The following GIGYF2 variants were observed in gnomAD, a reference collection of about 807,000 sequenced individuals.
GIGYF2 encodes the protein GRB10 interacting GYF protein 2.
GIGYF2 carries 25 observed loss-of-function variants against 208.1 expected under a neutral mutation model. The ratio of observed to expected loss-of-function variants is 0.12; its 90% CI spans 0.09 to 0.17. The LOEUF (loss-of-function observed/expected upper bound fraction) is 0.17, where lower values mean the gene tolerates loss of function less well. Ranked by LOEUF, GIGYF2 falls within the 10% of genes least tolerant of loss-of-function variation. The probability of loss-of-function intolerance (pLI) is 1.00; values close to 1 mark genes in which losing one functional copy is unlikely to be tolerated. For missense variants in GIGYF2, 1,302 were observed against 1,579.4 expected (o/e 0.82, Z 2.98); for synonymous variants, 534 against 543.8 (o/e 0.98, Z 0.25).
At chr2:232,784,193 T>C (rs1021788654) in intron 8 of GIGYF2, among the ~76,000 whole-genome samples, 1 of 152,106 alleles carries the variant, frequency 6.6e-6, no homozygotes, top group African/African-American at 2.4e-5. Context: ...GAATAAATTA[T>C]ACAGAAGTGC....
intron 6 of GIGYF2, among the ~76,000 whole-genome samples, chr2:232,757,497 G>A (rs1053649299): frequency 2.0e-5 from 3 of 152,114 alleles, no homozygotes; most frequent in African/African-American, 7.2e-5. Context: ...TTCATACACC[G>A]AGTTAGGTTC....
At chr2:232,819,147 A>T (rs774670434) in intron 20 of GIGYF2, among the ~76,000 whole-genome samples, 1 of 152,106 alleles carries the variant, frequency 6.6e-6, no homozygotes, top group Non-Finnish European at 1.5e-5. Flanking sequence ...GTGCTCTTTG[A>T]AAAACAAAAA....
intron 25 of GIGYF2, 120 bp from the exon 26 acceptor site, chr2:232,845,612 G>A: frequency 3.4e-6 from 3 of 886,372 alleles, no homozygotes; most frequent in Non-Finnish European, 5.6e-6. Flanking sequence ...TTGGAGCCAA[G>A]CATTGGATTA....
At chr2:232,846,208 G>A (rs1701998369) in intron 26 of GIGYF2, among the ~76,000 whole-genome samples, 1 of 152,146 alleles carries the variant, frequency 6.6e-6, no homozygotes, top group Non-Finnish European at 1.5e-5. Context: ...GTTAAAAAAA[G>A]TAACTCTCAT....
intron 22 of GIGYF2, among the ~76,000 whole-genome samples, chr2:232,837,191 A>C (rs1321433538): frequency 6.6e-6 from 1 of 152,194 alleles, no homozygotes; most frequent in Non-Finnish European, 1.5e-5. Context: ...CATTTGTCAC[A>C]GGTGACTGCC....
intron 2 of GIGYF2, among the ~76,000 whole-genome samples, chr2:232,709,466 C>T (rs988696902): frequency 2.6e-5 from 4 of 152,248 alleles, no homozygotes; most frequent in Admixed American, 1.3e-4. Flanking sequence ...TGGGGCTATA[C>T]GCGCGGCCCA....
intron 21 of GIGYF2, among the ~76,000 whole-genome samples, chr2:232,825,007 G>GTGGT (rs1449724295): frequency 6.6e-6 from 1 of 152,226 alleles, no homozygotes; most frequent in Non-Finnish European, 1.5e-5. Context: ...TGTTTACAGT[G>GTGGT]TGGTATATTG....
intron 2 of GIGYF2, among the ~76,000 whole-genome samples, chr2:232,725,846 T>G (rs1407265061): frequency 1.3e-5 from 2 of 152,186 alleles, no homozygotes; most frequent in Non-Finnish European, 2.9e-5. Context: ...TAGATTGTTA[T>G]GTTGGATCAA....
At chr2:232,757,017 TA>T (rs1204641607) in intron 6 of GIGYF2, among the ~76,000 whole-genome samples, 2 of 152,244 alleles carry the variant, frequency 1.3e-5, no homozygotes, top group Non-Finnish European at 2.9e-5. Context: ...AACAGTGGTC[TA>T]AATACACCTT....
At chr2:232,821,410 G>A (rs1052983271) in intron 21 of GIGYF2, among the ~76,000 whole-genome samples, 12 of 152,172 alleles carry the variant, frequency 7.9e-5, no homozygotes, top group Non-Finnish European at 1.6e-4. Flanking sequence ...ATGTTGGCCA[G>A]GCTGGTCTTG....
At chr2:232,734,985 C>A (rs953470240) in intron 2 of GIGYF2, among the ~76,000 whole-genome samples, 170 bp from the exon 3 acceptor site, 1 of 152,120 alleles carries the variant, frequency 6.6e-6, no homozygotes, top group Non-Finnish European at 1.5e-5. Flanking sequence ...TTGATTTATT[C>A]ATTTCACTTT....
chr2:232,777,841 A>C (rs1218638867), intron 8 of GIGYF2, among the ~76,000 whole-genome samples: 1 of 152,208 alleles, frequency 6.6e-6, no homozygotes, highest in African/African-American at 2.4e-5. Context: ...AAAACAGAAC[A>C]ACACAACAAC....
At position 232,768,123 on chromosome 2, in the gene GIGYF2, A is replaced by G. The variant is rs1048157859; in HGVS notation, c.532+6687A>G. 1 of 1,497,666 alleles carries G rather than the reference A, an allele frequency of 6.7e-7. No homozygotes were observed. The highest frequency in any genetic ancestry group is 1.4e-5 in the African/African-American group (1 of 72,666). The allele number at this position is 1,497,666 out of a possible 1,614,324, so 92.8% of individuals were successfully genotyped here. A position where few individuals can be genotyped will look rare whatever the true frequency, so the allele number is the denominator to read the frequency against. On this transcript the variant is annotated intron_variant, in intron 8 of 28. Transcript: ENST00000373563. Reference sequence around the variant, plus strand: ...TAGCATTGAAAAAAGAAAACATGAGATACAGTAAAGAAAAAGTAGCTGCAT... The same window carrying G: ...TAGCATTGAAAAAAGAAAACATGAGGTACAGTAAAGAAAAAGTAGCTGCAT...
Position 232,817,035 on chromosome 2 carries a change from A to G in GIGYF2, c.2370+3A>G, listed in dbSNP as rs1414033978. 17 of 1,607,860 alleles carry G rather than the reference A, an allele frequency of 1.1e-5. No individual in the cohort carries two copies. Among genetic ancestry groups the G allele is most frequent in the Admixed American group, 1.7e-5 (1 of 60,014 alleles). ...AAGAACTTGCCCGAAGGAAACAGGT[A>G]TGTATCTGGGAACTCTGACCATAGG... On this transcript the variant is annotated splice_donor_region_variant and intron_variant, in intron 20 of 28. Coordinates refer to ENST00000373563, the MANE Select transcript of GIGYF2 (RefSeq NM_001103146.3).
At chr2:232,708,640 G>C (rs1347576759) in intron 2 of GIGYF2, among the ~76,000 whole-genome samples, 1 of 146,768 alleles carries the variant, frequency 6.8e-6, no homozygotes, top group African/African-American at 2.5e-5. Context: ...TTGGAGACCA[G>C]CCTGGGCAAC....
intron 3 of GIGYF2, among the ~76,000 whole-genome samples, chr2:232,736,980 A>G (rs1411379700): frequency 6.6e-6 from 1 of 152,236 alleles, no homozygotes; most frequent in Non-Finnish European, 1.5e-5. Context: ...TTGATGCCTA[A>G]TATTATGGGT....
rs1048438321 is a variant in GIGYF2 at position 232,850,126 on chromosome 2, A to C, written c.3685-136A>C. On this transcript the variant is annotated intron_variant, in intron 27 of 28. Transcript: ENST00000373563. Reference sequence around the variant, plus strand: ...TGGCCGCTCTTGATTTTATTATTAGAACATGTGATGAAAAGCTTTTTGTTT... The same window carrying C: ...TGGCCGCTCTTGATTTTATTATTAGCACATGTGATGAAAAGCTTTTTGTTT... 7 of 794,796 alleles carry C rather than the reference A, an allele frequency of 8.8e-6. No homozygotes were observed. The African/African-American group carries it at 1.0e-4, about 12-fold the overall frequency. The allele number at this position is 794,796 out of a possible 1,614,324, so 49.2% of individuals were successfully genotyped here. A position where few individuals can be genotyped will look rare whatever the true frequency, so the allele number is the denominator to read the frequency against.
At chr2:232,732,710 G>A (rs922622844) in intron 2 of GIGYF2, among the ~76,000 whole-genome samples, 2 of 150,504 alleles carry the variant, frequency 1.3e-5, no homozygotes, top group Non-Finnish European at 3.0e-5. Context: ...GTGCAATCAC[G>A]ACTCATTGTA....
intron 22 of GIGYF2, among the ~76,000 whole-genome samples, chr2:232,837,331 G>A (rs1701669681): frequency 6.6e-6 from 1 of 152,216 alleles, no homozygotes; most frequent in African/African-American, 2.4e-5. Flanking sequence ...TAAGCTGGGA[G>A]GAGAGAAGGA....
Sources: gnomAD v4.1 joint callset for allele counts (sites outside exome capture counted in the v4.1 genomes callset) on GRCh38, gnomAD v4.1.1 for gene constraint, MANE v1.5 for transcripts, NCBI Gene and HGNC (gene_info 2026-07-23, HGNC 2026-07-21) for gene names.